The following PTPRM variants were observed in gnomAD, a reference collection of about 807,000 sequenced individuals.
PTPRM encodes the protein protein tyrosine phosphatase receptor type M, also known as receptor-type tyrosine-protein phosphatase mu.
A neutral mutation model predicts 186.7 loss-of-function variants in PTPRM; 47 were observed. That is an observed-to-expected ratio of 0.25 (90% CI 0.20 to 0.32). The LOEUF is 0.32. Among genes scored for constraint, PTPRM ranks in the 10% least tolerant of loss-of-function variants. The probability of loss-of-function intolerance (pLI) is 1.00; values close to 1 mark genes in which losing one functional copy is unlikely to be tolerated. For missense variants in PTPRM, 1,494 were observed against 1,865.0 expected, an observed-to-expected ratio of 0.80 and a Z score of 3.66; for synonymous variants, 668 against 674.9, an observed-to-expected ratio of 0.99 and a Z score of 0.16.
intron 2 of PTPRM, among the ~76,000 whole-genome samples, chr18:7,855,595 A>G (rs1179354331): frequency 6.6e-6 from 1 of 152,244 alleles, no homozygotes; most frequent in Non-Finnish European, 1.5e-5. Flanking sequence ...AAATGGAACT[A>G]ATAGCACTGA....
intron 7 of PTPRM, among the ~76,000 whole-genome samples, chr18:7,988,166 C>T (rs1453601729): frequency 1.3e-5 from 2 of 152,012 alleles, no homozygotes; most frequent in African/African-American, 4.8e-5. Flanking sequence ...GCTTGGGTGA[C>T]AGACCTAGGG....
chr18:8,272,350 C>A lies in PTPRM; in HGVS notation c.2754+18936C>A, dbSNP rs377229524. Among the ~76,000 whole-genome samples the A allele has an allele frequency of 2.9e-3, 429 of 150,162 alleles. 3 individuals are homozygous for A. The highest frequency in any genetic ancestry group is 9.9e-3 in the African/African-American group (405 of 40,930). The stretch of plus-strand genomic sequence containing the variant: ...TCCTTCTACTTTCTTTGAGTTTATT[C>A]TTTTCTTATTTTTAAATGAGGTGCT... On this transcript the variant is annotated intron_variant, in intron 19 of 32. Transcript: ENST00000580170.
chr18:8,370,028 A>G (rs917543132), intron 23 of PTPRM, among the ~76,000 whole-genome samples: 3 of 152,162 alleles, frequency 2.0e-5, no homozygotes, highest in Admixed American at 6.5e-5. Flanking sequence ...GTTACAGAAT[A>G]GAAATTCATC....
intron 1 of PTPRM, among the ~76,000 whole-genome samples, chr18:7,688,778 A>C (rs983057080): frequency 1.1e-4 from 16 of 152,170 alleles, no homozygotes; most frequent in Admixed American, 6.5e-5. Flanking sequence ...CTTGTCAGGA[A>C]TAAATTTATT....
At chr18:8,271,750 CTTTT>C (rs763180388) in intron 19 of PTPRM, among the ~76,000 whole-genome samples, 4 of 151,844 alleles carry the variant, frequency 2.6e-5, no homozygotes, top group African/African-American at 4.8e-5. Flanking sequence ...TACATTTTAT[CTTTT>C]TTATTTAGAG....
At chr18:7,906,951 TG>T (rs1405775133) in intron 4 of PTPRM, among the ~76,000 whole-genome samples, 1 of 152,202 alleles carries the variant, frequency 6.6e-6, no homozygotes, top group Non-Finnish European at 1.5e-5. Context: ...AGTATGTTTT[TG>T]GCACAGTTCC....
intron 5 of PTPRM, among the ~76,000 whole-genome samples, chr18:7,940,843 T>C (rs568774135): frequency 1.3e-5 from 2 of 152,222 alleles, no homozygotes; most frequent in South Asian, 2.1e-4. Flanking sequence ...TTCTGTTTTT[T>C]CCTCCTTAAA....
At chr18:8,025,056 T>C (rs2085484846) in intron 7 of PTPRM, among the ~76,000 whole-genome samples, 1 of 152,118 alleles carries the variant, frequency 6.6e-6, no homozygotes. Context: ...GGTGCCTTCC[T>C]AGAATAGCAG....
intron 7 of PTPRM, among the ~76,000 whole-genome samples, chr18:8,039,970 A>G (rs952674432): frequency 6.6e-6 from 1 of 152,220 alleles, no homozygotes; most frequent in Non-Finnish European, 1.5e-5. Flanking sequence ...CTTTTCAGAT[A>G]TATTGCAAAC....
At chr18:8,200,355 G>A (rs984984438) in intron 14 of PTPRM, among the ~76,000 whole-genome samples, 3 of 152,088 alleles carry the variant, frequency 2.0e-5, no homozygotes, top group African/African-American at 7.2e-5. Context: ...GCAAAACCAG[G>A]GTGGGGGCAC....
chr18:8,082,695 T>C (rs893020251), intron 9 of PTPRM, among the ~76,000 whole-genome samples: 18 of 151,918 alleles, frequency 1.2e-4, no homozygotes, highest in African/African-American at 3.4e-4. Flanking sequence ...CCCTTCTTTT[T>C]TTTCTAAACT....
chr18:8,284,431 C>G (rs2094934676), intron 19 of PTPRM, among the ~76,000 whole-genome samples: 1 of 152,152 alleles, frequency 6.6e-6, no homozygotes, highest in Non-Finnish European at 1.5e-5. Context: ...CCTTGGTTCA[C>G]TTAAACTAAT....
At chr18:7,897,231 A>G (rs1207531303) in intron 3 of PTPRM, among the ~76,000 whole-genome samples, 1 of 152,194 alleles carries the variant, frequency 6.6e-6, no homozygotes, top group Non-Finnish European at 1.5e-5. Context: ...GCCCAGCTGG[A>G]GCCAGAATTT....
chr18:7,978,597 A>T (rs938330013), intron 7 of PTPRM, among the ~76,000 whole-genome samples: 2 of 152,192 alleles, frequency 1.3e-5, no homozygotes, highest in Non-Finnish European at 2.9e-5. Context: ...GAATGTTGGT[A>T]ACACTTTCTC....
At chr18:8,208,536 G>T (rs4591209) in intron 14 of PTPRM, among the ~76,000 whole-genome samples, 2 of 151,202 alleles carry the variant, frequency 1.3e-5, no homozygotes, top group South Asian at 2.1e-4. Flanking sequence ...TTTTTAAACA[G>T]GGTCTCACTC....
chr18:8,227,350 G>A (rs1361767260), intron 14 of PTPRM, among the ~76,000 whole-genome samples: 1 of 151,980 alleles, frequency 6.6e-6, no homozygotes, highest in Non-Finnish European at 1.5e-5. Flanking sequence ...CCAGTTGCCA[G>A]GGCTCCTGAA....
intron 1 of PTPRM, among the ~76,000 whole-genome samples, chr18:7,727,349 G>A (rs1456855883): frequency 1.3e-5 from 2 of 152,150 alleles, no homozygotes; most frequent in Non-Finnish European, 2.9e-5. Flanking sequence ...TCATCAAGCA[G>A]ATGCCTTTAA....
chr18:7,837,744 A>G (rs1340114502), intron 2 of PTPRM, among the ~76,000 whole-genome samples: 4 of 152,228 alleles, frequency 2.6e-5, no homozygotes, highest in Admixed American at 1.3e-4. Context: ...CACCTGGCCA[A>G]CACAGCTATT....
At chr18:7,869,344 C>G (rs910507646) in intron 2 of PTPRM, among the ~76,000 whole-genome samples, 3 of 152,014 alleles carry the variant, frequency 2.0e-5, no homozygotes, top group Non-Finnish European at 4.4e-5. Context: ...CGGGGGGAAT[C>G]TCCTAGTCTG....
Sources: allele counts gnomAD v4.1 joint callset (sites outside exome capture counted in the v4.1 genomes callset), GRCh38; gene constraint gnomAD v4.1.1; transcripts MANE v1.5; gene names NCBI Gene and HGNC (gene_info 2026-07-23, HGNC 2026-07-21).